The following ZNF469 variants were observed in gnomAD, a reference collection of about 807,000 sequenced individuals.
The protein encoded by ZNF469 is zinc finger protein 469.
A neutral mutation model predicts 1.0 loss-of-function variants in ZNF469; 1 was observed. The observed-to-expected ratio is 1.00, with a 90% CI of 0.35 to 4.73. The LOEUF (loss-of-function observed/expected upper bound fraction) is 4.73, where lower values mean the gene tolerates loss of function less well. ZNF469 is among the 30% of genes most tolerant of loss of function. ZNF469 has a pLI of 0.16. For synonymous variants in ZNF469, 2,703 were observed against 2,363.4 expected (o/e 1.14, Z -4.17); for missense variants, 6,100 against 5,356.3 (o/e 1.14, Z -4.33).
At chr16:88,404,440 G>A (rs1232182068) in intron 1 of ZNF469, among the ~76,000 whole-genome samples, 3 of 152,208 alleles carry the variant, frequency 2.0e-5, no homozygotes, top group African/African-American at 7.2e-5. Context: ...TCAAACTGGA[G>A]TTGGTTCGAG....
chr16:88,203,030 G>A, the ZNF469 span, among the ~76,000 whole-genome samples: 8 of 152,206 alleles, frequency 5.3e-5, no homozygotes, highest in Non-Finnish European at 1.0e-4. Flanking sequence ...CGTAGGGAGA[G>A]TGGTCAAATC....
chr16:88,343,935 G>A, the ZNF469 span, among the ~76,000 whole-genome samples: 5 of 152,180 alleles, frequency 3.3e-5, no homozygotes, highest in South Asian at 8.3e-4. Flanking sequence ...ACACGACCTC[G>A]GCCAGGAGGT....
chr16:88,142,289 C>T, the ZNF469 span, among the ~76,000 whole-genome samples: 1 of 152,350 alleles, frequency 6.6e-6, no homozygotes, highest in African/African-American at 2.4e-5. Context: ...GGGCTCTCAG[C>T]CACAGCCCTG....
the ZNF469 span, among the ~76,000 whole-genome samples, chr16:88,233,517 T>G: frequency 6.6e-6 from 1 of 152,232 alleles, no homozygotes; most frequent in Non-Finnish European, 1.5e-5. Context: ...GGCTACTGGA[T>G]GCCGTGTTCT....
the ZNF469 span, among the ~76,000 whole-genome samples, chr16:88,279,987 A>G: frequency 6.6e-6 from 1 of 150,942 alleles, no homozygotes; most frequent in East Asian, 2.0e-4. Flanking sequence ...CCATGTAGAT[A>G]TCAGTGCACG....
chr16:88,157,140 A>G, the ZNF469 span, among the ~76,000 whole-genome samples: 1 of 151,670 alleles, frequency 6.6e-6, no homozygotes, highest in Non-Finnish European at 1.5e-5. Flanking sequence ...ACTCATGAGC[A>G]CCAGGGCACA....
the ZNF469 span, among the ~76,000 whole-genome samples, chr16:88,187,946 G>A: frequency 5.1e-4 from 77 of 152,120 alleles, no homozygotes; most frequent in East Asian, 4.3e-3. Flanking sequence ...GAAGAAAAGC[G>A]GGTGGGCAGG....
chr16:88,311,894 A>C, the ZNF469 span, among the ~76,000 whole-genome samples: 1 of 152,246 alleles, frequency 6.6e-6, no homozygotes, highest in Admixed American at 6.5e-5. Context: ...CCTGATGGTG[A>C]AATCTCATTG....
At chr16:88,104,188 G>T in the ZNF469 span, among the ~76,000 whole-genome samples, 1 of 150,924 alleles carries the variant, frequency 6.6e-6, no homozygotes, top group African/African-American at 2.4e-5. Context: ...GGAAGCTTCC[G>T]GGCCTTGCCT....
chr16:88,182,317 T>C, the ZNF469 span, among the ~76,000 whole-genome samples: 6 of 151,944 alleles, frequency 3.9e-5, no homozygotes, highest in Admixed American at 6.6e-5. Context: ...GAGCTATAGA[T>C]CCAATGGAAT....
At chr16:88,380,354 C>T (rs549707867), upstream of ZNF469, among the ~76,000 whole-genome samples, 14 of 111,268 alleles carry the variant, frequency 1.3e-4, 1 homozygote, top group Non-Finnish European at 2.1e-4. Context: ...CACACACATG[C>T]GCTCACACAC....
the ZNF469 span, among the ~76,000 whole-genome samples, chr16:88,359,532 T>G: frequency 9.9e-5 from 15 of 152,256 alleles, no homozygotes; most frequent in African/African-American, 3.6e-4. Flanking sequence ...CTAAAGATGT[T>G]GCGAACTTTC....
chr16:88,110,764 G>T, the ZNF469 span, among the ~76,000 whole-genome samples: 1 of 152,262 alleles, frequency 6.6e-6, no homozygotes, highest in Non-Finnish European at 1.5e-5. Context: ...CCCAGGGAGT[G>T]CTGTGCGGGT....
At position 88,430,488 on chromosome 16, in the gene ZNF469, A is replaced by G; in HGVS notation, c.3018A>G (p.Ala1006=). 7.0e-7 allele frequency: 1 copy of G among 1,423,202 alleles called. No individual in the cohort carries two copies. The highest frequency in any genetic ancestry group is 9.1e-7 in the Non-Finnish European group (1 of 1,099,190). 88.2% of individuals were successfully genotyped at this position (1,423,202 alleles called of 1,614,324 possible). The change falls in exon 3 of 3, where the codon GCA becomes GCG. Residue 1006 remains alanine (A), a synonymous_variant. Transcript: ENST00000565624. Reference sequence around the variant, plus strand: ...GAACGCAGGCCCCCGGGAGCCGCGCAGACCCCGCGCCCCGGGTCCCGAGAG... The same window carrying G: ...GAACGCAGGCCCCCGGGAGCCGCGCGGACCCCGCGCCCCGGGTCCCGAGAG... The part of the protein sequence containing the change: ...RPRTQAPGSR[A]DPAPRVPRAA...
At chr16:88,397,050 G>A (rs1235830716) in intron 1 of ZNF469, among the ~76,000 whole-genome samples, 1 of 151,812 alleles carries the variant, frequency 6.6e-6, no homozygotes, top group Non-Finnish European at 1.5e-5. Context: ...ATGAAGACAG[G>A]CCGGGAGGAG....
the ZNF469 span, among the ~76,000 whole-genome samples, chr16:88,255,132 T>G: frequency 0.28 from 42,119 of 152,186 alleles, 7,094 homozygotes; most frequent in Non-Finnish European, 0.38. Flanking sequence ...TAAAAAATCT[T>G]GGACAATGAG....
the ZNF469 span, among the ~76,000 whole-genome samples, chr16:88,281,476 T>C: frequency 6.7e-6 from 1 of 148,696 alleles, no homozygotes; most frequent in Admixed American, 6.7e-5. Flanking sequence ...GTCAGTACCG[T>C]GTCAATTTTG....
At chr16:88,261,526 G>A in the ZNF469 span, among the ~76,000 whole-genome samples, 2 of 151,124 alleles carry the variant, frequency 1.3e-5, no homozygotes, top group Admixed American at 1.3e-4. This position sits in a 1 kb window ranked among gnomAD's most constrained non-coding sequence, Gnocchi z 6.0. Flanking sequence ...CACAGGACCC[G>A]AAGTCCTGAA....
chr16:88,256,540 T>C, the ZNF469 span, among the ~76,000 whole-genome samples: 1 of 152,244 alleles, frequency 6.6e-6, no homozygotes, highest in Non-Finnish European at 1.5e-5. Flanking sequence ...TATGTGAACA[T>C]AAGTTTCCAA....
Sources: gnomAD v4.1 joint callset for allele counts (sites outside exome capture counted in the v4.1 genomes callset) on GRCh38, gnomAD v4.1.1 for gene constraint, Gnocchi (gnomAD v3.1) non-coding constraint, MANE v1.5 for transcripts, NCBI Gene and HGNC (gene_info 2026-07-23, HGNC 2026-07-21) for gene names.